The following PHC3 variants were observed in gnomAD, a reference collection of about 807,000 sequenced individuals.
PHC3 encodes the protein polyhomeotic homolog 3, also known as polyhomeotic-like protein 3.
A neutral mutation model predicts 107.4 loss-of-function variants in PHC3; 13 were observed. The ratio of observed to expected loss-of-function variants is 0.12; its 90% CI spans 0.08 to 0.19. PHC3 has a LOEUF of 0.19. PHC3 is among the 10% of genes least tolerant of loss of function. PHC3 has a pLI of 1.00. For synonymous variants in PHC3, 456 were observed against 427.4 expected (o/e 1.07, Z -0.83); for missense variants, 992 against 1,210.9 (o/e 0.82, Z 2.68).
chr3:170,178,140 ATTTTT>A (rs1205857388), intron 2 of PHC3, among the ~76,000 whole-genome samples: 9 of 137,584 alleles, frequency 6.5e-5, no homozygotes, highest in African/African-American at 1.9e-4. Flanking sequence ...CTAAAGGAAA[ATTTTT>A]TTTTTTTTTT....
intron 12 of PHC3, among the ~76,000 whole-genome samples, chr3:170,104,553 A>C (rs1716106481): frequency 6.6e-6 from 1 of 152,104 alleles, no homozygotes; most frequent in African/African-American, 2.4e-5. Context: ...GATTACAAGC[A>C]TGTGCCACCA....
chr3:170,145,629 G>T, intron 5 of PHC3, 108 bp from the exon 6 acceptor site: 1 of 635,614 alleles, frequency 1.6e-6, no homozygotes, highest in Non-Finnish European at 2.6e-6. Context: ...AGACAATGCA[G>T]TTTAGGATTA....
chr3:170,126,123 GA>G (rs1231919060), intron 8 of PHC3: 30 of 225,704 alleles, frequency 1.3e-4, no homozygotes, highest in Admixed American at 1.1e-3. Context: ...ATTTTACTTT[GA>G]AAATTCACCC....
chr3:170,109,325 G>A (rs192035830), intron 11 of PHC3, among the ~76,000 whole-genome samples: 123 of 152,132 alleles, frequency 8.1e-4, no homozygotes, highest in Admixed American at 1.4e-3. Flanking sequence ...GACTGTAAAT[G>A]CTCACAAATT....
intron 2 of PHC3, 132 bp from the exon 3 acceptor site, chr3:170,172,844 A>G: frequency 1.0e-6 from 1 of 967,930 alleles, no homozygotes; most frequent in South Asian, 1.8e-5. Context: ...GCTTATTAAC[A>G]TTATTTCTTT....
intron 6 of PHC3, among the ~76,000 whole-genome samples, chr3:170,140,105 C>T (rs1389096829): frequency 1.3e-5 from 2 of 151,534 alleles, no homozygotes; most frequent in African/African-American, 4.9e-5. Flanking sequence ...GAGTGAGGGT[C>T]ACATTGCTGA....
At chr3:170,150,724 GA>G in intron 4 of PHC3, 2 of 421,224 alleles carry the variant, frequency 4.7e-6, no homozygotes, top group Admixed American at 2.6e-5. Context: ...AAAGAGAAAA[GA>G]AAAAAAGAAA....
chr3:170,135,488 A>T (rs546369736), intron 7 of PHC3, among the ~76,000 whole-genome samples: 18 of 150,706 alleles, frequency 1.2e-4, no homozygotes, highest in African/African-American at 4.5e-4. Context: ...TAAGGTGTAT[A>T]GCCCAGTGCA....
At position 170,091,936 on chromosome 3, in the gene PHC3, G is replaced by A. The variant is rs985352995; in HGVS notation, c.*5294C>T. 1.2e-4 allele frequency: 18 copies of A among 152,104 alleles called. No homozygotes were observed. Among genetic ancestry groups the A allele is most frequent in the African/African-American group, 4.3e-4 (18 of 41,428 alleles). 9.4% of individuals were successfully genotyped at this position (152,104 alleles called of 1,614,324 possible). On this transcript the variant is annotated 3_prime_UTR_variant, in exon 15 of 15. Transcript: ENST00000495893. ...TGAAGAAAGCTTATATAACTACTGT[G>A]AACAAAACTATATGATACATTTTAT...
rs1273933772 is a variant in PHC3 at position 170,087,924 on chromosome 3, CTCT to C, written c.*9303_*9305del. ...ATGCTACTTAATATGAAAGTGCTTTCTCTTTTTTAAAAAAATACACCAAATGGA... is the reference window on the plus strand; with the variant it reads ...ATGCTACTTAATATGAAAGTGCTTTCTTTTTAAAAAAATACACCAAATGGA... On this transcript the variant is annotated 3_prime_UTR_variant, in exon 15 of 15. Transcript: ENST00000495893. 6.6e-6 allele frequency: 1 copy of C among 152,094 alleles called. No homozygotes were observed. The highest frequency in any genetic ancestry group is 2.4e-5 in the African/African-American group (1 of 41,424). 9.4% of individuals were successfully genotyped at this position (152,094 alleles called of 1,614,324 possible). A position where few individuals can be genotyped will look rare whatever the true frequency, so the allele number is the denominator to read the frequency against.
chr3:170,118,247 T>C (rs1719440145), intron 9 of PHC3, among the ~76,000 whole-genome samples: 1 of 152,116 alleles, frequency 6.6e-6, no homozygotes, highest in Non-Finnish European at 1.5e-5. Flanking sequence ...CAAGTAGATT[T>C]ATTTATTTAT....
intron 4 of PHC3, among the ~76,000 whole-genome samples, chr3:170,161,492 G>A (rs891809084): frequency 1.3e-5 from 2 of 152,098 alleles, no homozygotes; most frequent in African/African-American, 4.8e-5. Flanking sequence ...CTCAAACCTA[G>A]ATCCCTCCCA....
chr3:170,128,685 A>G lies in PHC3; in HGVS notation c.1787T>C (p.Val596Ala). 1 of 1,613,666 alleles carries G rather than the reference A, an allele frequency of 6.2e-7. No individual in the cohort carries two copies. Residue 596 changes from valine (V) to alanine (A), a missense_variant and splice_region_variant, in exon 8 of 15, where the codon GTG (valine) becomes GCG (alanine). Val to Ala is a moderately conservative substitution (Grantham distance 64). Transcript: ENST00000495893. ...GTCAAAGAGCTTCCAAGGGCTTACC[A>G]CTGGTGGATCAACAGGTGCTGGTGG... is the stretch of plus-strand genomic sequence containing the variant. ...VQPPAPVDPP[V>A]VYQVEDVCEE...
At chr3:170,119,711 CT>C (rs1400300163) in intron 9 of PHC3, among the ~76,000 whole-genome samples, 1 of 151,930 alleles carries the variant, frequency 6.6e-6, no homozygotes, top group Admixed American at 6.6e-5. Flanking sequence ...ATTTTTCTAC[CT>C]TTTTGTATAG....
intron 4 of PHC3, among the ~76,000 whole-genome samples, chr3:170,152,150 A>G (rs1726096366): frequency 6.6e-6 from 1 of 151,614 alleles, no homozygotes; most frequent in Non-Finnish European, 1.5e-5. Context: ...ATTATTCTGT[A>G]ATTTTGTTTG....
intron 10 of PHC3, among the ~76,000 whole-genome samples, chr3:170,115,163 G>A (rs1259675208): frequency 6.6e-6 from 1 of 151,818 alleles, no homozygotes; most frequent in Non-Finnish European, 1.5e-5. Flanking sequence ...ATTCCTTTCA[G>A]AACTATTTGA....
chr3:170,132,755 T>C (rs570024324), intron 7 of PHC3, among the ~76,000 whole-genome samples: 39 of 152,342 alleles, frequency 2.6e-4, no homozygotes, highest in East Asian at 5.8e-4. Context: ...CTGGAGCAGA[T>C]TGATTAATAC....
intron 2 of PHC3, among the ~76,000 whole-genome samples, chr3:170,177,477 C>T (rs577620897): frequency 1.5e-3 from 230 of 152,168 alleles, no homozygotes; most frequent in African/African-American, 5.4e-3. Flanking sequence ...AGTGATACTC[C>T]TGCCTCAGCC....
intron 10 of PHC3, among the ~76,000 whole-genome samples, chr3:170,115,875 T>TCACACACACACACACACACACA (rs1238887514): frequency 1.1e-5 from 1 of 88,556 alleles, no homozygotes; most frequent in East Asian, 5.0e-4. Context: ...AATCCAAGTT[T>TCACACACACACACACACACACA]CTCACACACA....
Sources: allele counts gnomAD v4.1 joint callset (sites outside exome capture counted in the v4.1 genomes callset), GRCh38; gene constraint gnomAD v4.1.1; transcripts MANE v1.5; gene names NCBI Gene and HGNC (gene_info 2026-07-23, HGNC 2026-07-21).